The following SLIT3 variants were observed in gnomAD, a reference collection of about 807,000 sequenced individuals.
SLIT3 encodes the protein slit guidance ligand 3.
A neutral mutation model predicts 184.0 loss-of-function variants in SLIT3; 68 were observed. The ratio of observed to expected loss-of-function variants is 0.37; its 90% CI spans 0.30 to 0.45. SLIT3 has a LOEUF of 0.45. SLIT3 is among the 20% of genes least tolerant of loss of function. The pLI, the probability that SLIT3 is intolerant of heterozygous loss-of-function variation, is 1.00. For missense variants in SLIT3, 1,707 were observed against 2,026.0 expected, an observed-to-expected ratio of 0.84 and a Z score of 3.02; for synonymous variants, 831 against 828.6, an observed-to-expected ratio of 1.00 and a Z score of -0.05.
rs1165319554 is a variant in SLIT3, at chr5:168,908,055, G to T, written c.414-24719C>A. ...CTTTTTTCACCAAACATCACAAACT[G>T]GGTGGCTGTACACAGGAGAGGCAAG... On this transcript the variant is annotated intron_variant, in intron 4 of 35. Coordinates refer to ENST00000519560, the MANE Select transcript of SLIT3 (RefSeq NM_003062.4). 8.1e-5 allele frequency among the ~76,000 whole-genome samples: 12 copies of T among 147,490 alleles called. No individual in the cohort carries two copies. The South Asian group carries it at 2.6e-3, about 32-fold the overall frequency.
chr5:168,668,730 T>C (rs1370039720), intron 35 of SLIT3, among the ~76,000 whole-genome samples: 1 of 152,136 alleles, frequency 6.6e-6, no homozygotes, highest in African/African-American at 2.4e-5. Context: ...ATTCCAGGTG[T>C]GAGCCACCAC....
At chr5:169,257,970 T>C (rs898872658) in intron 1 of SLIT3, among the ~76,000 whole-genome samples, 1 of 152,202 alleles carries the variant, frequency 6.6e-6, no homozygotes, top group Non-Finnish European at 1.5e-5. Flanking sequence ...GCTGGACCCA[T>C]ACTACGCACC....
intron 29 of SLIT3, among the ~76,000 whole-genome samples, chr5:168,689,698 G>C (rs184799381): frequency 6.6e-6 from 1 of 152,172 alleles, no homozygotes; most frequent in Non-Finnish European, 1.5e-5. Flanking sequence ...GAGAGGGAAC[G>C]TACAAGGAGA....
intron 4 of SLIT3, among the ~76,000 whole-genome samples, chr5:169,162,135 C>T (rs766329540): frequency 6.6e-6 from 1 of 152,188 alleles, no homozygotes; most frequent in East Asian, 1.9e-4. Context: ...TAGAAACTTG[C>T]CCGTGGTTAG....
At chr5:168,824,304 C>T (rs974749918) in intron 6 of SLIT3, among the ~76,000 whole-genome samples, 4 of 152,200 alleles carry the variant, frequency 2.6e-5, no homozygotes, top group Non-Finnish European at 4.4e-5. Flanking sequence ...TGCATCTCTA[C>T]GACCATGAAC....
At chr5:169,222,362 A>G (rs1764642132) in intron 3 of SLIT3, among the ~76,000 whole-genome samples, 1 of 152,216 alleles carries the variant, frequency 6.6e-6, no homozygotes, top group South Asian at 2.1e-4. Context: ...GGGCACGTAG[A>G]AGGAAAATAA....
At chr5:168,779,501 T>G (rs918621371) in intron 12 of SLIT3, among the ~76,000 whole-genome samples, 1 of 152,238 alleles carries the variant, frequency 6.6e-6, no homozygotes, top group Non-Finnish European at 1.5e-5. Flanking sequence ...GGAGGCCCTC[T>G]GCCACCCCCT....
intron 4 of SLIT3, among the ~76,000 whole-genome samples, chr5:168,885,006 A>T (rs942552359): frequency 6.6e-6 from 1 of 152,128 alleles, no homozygotes; most frequent in African/African-American, 2.4e-5. Context: ...ACATCAGACG[A>T]CTGCCCTCCA....
At chr5:169,140,848 C>T (rs1761708316) in intron 4 of SLIT3, among the ~76,000 whole-genome samples, 1 of 152,136 alleles carries the variant, frequency 6.6e-6, no homozygotes. Context: ...ATACCCCTCT[C>T]CCATTCAAAA....
intron 4 of SLIT3, among the ~76,000 whole-genome samples, chr5:169,102,511 T>C (rs1053041138): frequency 6.6e-6 from 1 of 152,216 alleles, no homozygotes; most frequent in Admixed American, 6.5e-5. Flanking sequence ...TAATACCTAA[T>C]GCAATGTAAA....
intron 28 of SLIT3, among the ~76,000 whole-genome samples, chr5:168,695,765 T>G (rs1762044942): frequency 6.6e-6 from 1 of 152,180 alleles, no homozygotes; most frequent in Non-Finnish European, 1.5e-5. Context: ...TTAGGTTCCT[T>G]CTGTGTGATC....
intron 5 of SLIT3, among the ~76,000 whole-genome samples, chr5:168,862,425 A>G (rs183775033): frequency 5.9e-5 from 9 of 152,344 alleles, no homozygotes; most frequent in Admixed American, 3.9e-4. Context: ...ACATCCTGCT[A>G]AAGAAAAATT....
At position 168,772,924 on chromosome 5, in the gene SLIT3, A is replaced by C; in HGVS notation, c.1316T>G (p.Phe439Cys). ...IQTLHLAQNPFVCDCHLKWLA... is the reference protein window; with the variant it reads ...IQTLHLAQNPCVCDCHLKWLA... Reference sequence around the variant, plus strand: ...CCACTTCAAGTGGCAGTCGCACACAAATGGGTTTTGGGCTAAGTGGCTGCG... The same window carrying C: ...CCACTTCAAGTGGCAGTCGCACACACATGGGTTTTGGGCTAAGTGGCTGCG... Residue 439 changes from phenylalanine (F) to cysteine (C), a missense_variant, in exon 14 of 36, where the codon TTT becomes TGT. By Grantham distance (205) the Phe-to-Cys change is radical. Transcript: ENST00000519560. 1 of 1,610,896 alleles carries C rather than the reference A, an allele frequency of 6.2e-7. No homozygotes were observed.
intron 30 of SLIT3, 148 bp from the exon 31 acceptor site, chr5:168,686,075 T>A: frequency 1.1e-6 from 1 of 899,128 alleles, no homozygotes; most frequent in Non-Finnish European, 1.6e-6. Context: ...GCCCTGCCAC[T>A]AACCGGGGCA....
intron 4 of SLIT3, among the ~76,000 whole-genome samples, chr5:169,135,401 C>T (rs1316513153): frequency 2.0e-5 from 3 of 147,386 alleles, no homozygotes; most frequent in Non-Finnish European, 4.5e-5. Flanking sequence ...CGTGAGCCAC[C>T]ACACCCGGCA....
chr5:168,709,661 G>T (rs1338623457), intron 25 of SLIT3, among the ~76,000 whole-genome samples: 1 of 148,504 alleles, frequency 6.7e-6, no homozygotes, highest in Non-Finnish European at 1.5e-5. Flanking sequence ...AGAAGTGTAG[G>T]ACACACTAAA....
chr5:169,095,859 A>G (rs1456343671), intron 4 of SLIT3, among the ~76,000 whole-genome samples: 2 of 152,206 alleles, frequency 1.3e-5, no homozygotes, highest in Admixed American at 6.5e-5. Flanking sequence ...CTGCCCAAGT[A>G]TCTTACATTT....
At position 168,763,289 on chromosome 5, in the gene SLIT3, C is replaced by A. The variant is rs558222678; in HGVS notation, c.1460-600G>T. Reference sequence around the variant, plus strand: ...ACGCCTGGCTGTAAGATTGGGAAGACAACGAGGGTTGGGAACCTGGGGAAT... The same window carrying A: ...ACGCCTGGCTGTAAGATTGGGAAGAAAACGAGGGTTGGGAACCTGGGGAAT... On this transcript the variant is annotated intron_variant, in intron 14 of 35. Transcript: ENST00000519560. 4.5e-4 allele frequency among the ~76,000 whole-genome samples: 69 copies of A among 152,202 alleles called. 1 individual carries two copies. The highest frequency in any genetic ancestry group is 1.6e-3 in the African/African-American group (66 of 41,522).
At chr5:169,085,538 C>T (rs1358244568) in intron 4 of SLIT3, among the ~76,000 whole-genome samples, 2 of 152,158 alleles carry the variant, frequency 1.3e-5, no homozygotes, top group East Asian at 3.8e-4. Flanking sequence ...TGTCCAGATC[C>T]ACCCCAATTC....
Sources: allele counts gnomAD v4.1 joint callset (sites outside exome capture counted in the v4.1 genomes callset), GRCh38; gene constraint gnomAD v4.1.1; transcripts MANE v1.5; gene names NCBI Gene and HGNC (gene_info 2026-07-23, HGNC 2026-07-21).